KLHDC4: variants seen among roughly 807,000 people sequenced by gnomAD.
The protein encoded by KLHDC4 is kelch domain containing 4, also known as kelch domain-containing protein 4.
KLHDC4 carries 90 observed loss-of-function variants against 62.4 expected under a neutral mutation model. That is an observed-to-expected ratio of 1.44 (90% CI 1.22 to 1.72). The LOEUF is 1.72. Ranked by LOEUF, KLHDC4 falls within the 40% of genes most tolerant of loss-of-function variation. KLHDC4 has a pLI of 0.00. For synonymous variants in KLHDC4, 386 were observed against 284.4 expected, an observed-to-expected ratio of 1.36 and a Z score of -3.59; for missense variants, 1,025 against 699.7, an observed-to-expected ratio of 1.47 and a Z score of -5.25.
intron 7 of KLHDC4, among the ~76,000 whole-genome samples, chr16:87,720,475 A>T (rs1402639996): frequency 6.6e-6 from 1 of 152,190 alleles, no homozygotes; most frequent in Admixed American, 6.5e-5. Flanking sequence ...CAGCTCGGGC[A>T]AGCAGCGACC....
intron 5 of KLHDC4, among the ~76,000 whole-genome samples, chr16:87,744,202 G>A (rs1034458108): frequency 6.6e-6 from 1 of 152,104 alleles, no homozygotes; most frequent in African/African-American, 2.4e-5. Context: ...GATCACCTGA[G>A]GTCAGGAGTT....
At chr16:87,744,467 C>A (rs1418970162) in intron 5 of KLHDC4, among the ~76,000 whole-genome samples, 1 of 150,226 alleles carries the variant, frequency 6.7e-6, no homozygotes, top group African/African-American at 2.5e-5. Flanking sequence ...CCTGTAATCC[C>A]AGCTACTCGG....
downstream of KLHDC4, among the ~76,000 whole-genome samples, chr16:87,705,806 C>T (rs946699296): frequency 2.0e-5 from 3 of 151,454 alleles, no homozygotes; most frequent in East Asian, 2.0e-4. Context: ...GGGGCGGGGG[C>T]GGGGGCGCTG....
At chr16:87,709,058 A>AC (rs1160122911) in intron 10 of KLHDC4, among the ~76,000 whole-genome samples, 2 of 152,242 alleles carry the variant, frequency 1.3e-5, no homozygotes, top group Admixed American at 6.5e-5. Flanking sequence ...AGCACCCGGG[A>AC]CAAAGGACAG....
At chr16:87,752,089 C>CA (rs1173625123) in intron 4 of KLHDC4, among the ~76,000 whole-genome samples, 3,845 of 29,466 alleles carry the variant, frequency 0.13, 477 homozygotes, top group Middle Eastern at 0.21. Flanking sequence ...GACTTTGTCT[C>CA]AAAAAAAAAA....
intron 8 of KLHDC4, among the ~76,000 whole-genome samples, chr16:87,712,711 T>C (rs1254392034): frequency 6.6e-6 from 1 of 152,232 alleles, no homozygotes; most frequent in African/African-American, 2.4e-5. Flanking sequence ...GGACTCAGAT[T>C]AACCCTTCGG....
chr16:87,728,934 C>G (rs1302778124), intron 6 of KLHDC4, among the ~76,000 whole-genome samples: 2 of 152,156 alleles, frequency 1.3e-5, no homozygotes, highest in African/African-American at 2.4e-5. Context: ...ACCACCACAC[C>G]TGGCTAATTT....
intron 5 of KLHDC4, 140 bp downstream of exon 5, chr16:87,748,533 C>A (rs2043391911): frequency 1.5e-5 from 16 of 1,083,756 alleles, no homozygotes; most frequent in Non-Finnish European, 2.1e-5. Context: ...TCTCCCAGGA[C>A]CCAGCGAGGC....
At chr16:87,755,092 G>A (rs58999541) in intron 4 of KLHDC4, 102 bp downstream of exon 4, 65,835 of 746,892 alleles carry the variant, frequency 0.088, 3,434 homozygotes, top group African/African-American at 0.1. Context: ...ACAGGGCCCA[G>A]CCCCTCCGCA....
At chr16:87,704,295 C>A (rs1321015058), downstream of KLHDC4, among the ~76,000 whole-genome samples, 1 of 150,394 alleles carries the variant, frequency 6.6e-6, no homozygotes, top group African/African-American at 2.5e-5. Flanking sequence ...TGGGGAGGGT[C>A]CTGAACCACA....
Position 87,708,455 on chromosome 16 carries a change from A to G in KLHDC4, c.1459T>C (p.Trp487Arg). The G allele has an allele frequency of 6.2e-7, 1 of 1,601,066 alleles. No homozygotes were observed. Among genetic ancestry groups the G allele is most frequent in the Non-Finnish European group, 8.5e-7 (1 of 1,173,646 alleles). Residue 487 changes from tryptophan to arginine, a missense_variant, in exon 11 of 12, where the codon TGG becomes CGG. Physicochemically the swap from Trp to Arg is moderately radical, Grantham distance 101. Transcript: ENST00000270583. ...TCTTCCGAGTCCGTCTCCTCCAGCCACTCCTGAGTTTCTTCAAAAGCAGAA... is the reference window on the plus strand; with the variant it reads ...TCTTCCGAGTCCGTCTCCTCCAGCCGCTCCTGAGTTTCTTCAAAAGCAGAA... ...LVEMDPETQE[W>R]LEETDSEEDS...
At chr16:87,741,008 TC>T (rs2042152316) in intron 5 of KLHDC4, 3 of 152,072 alleles carry the variant, frequency 2.0e-5, no homozygotes, top group African/African-American at 7.2e-5. Flanking sequence ...GCACGGATGC[TC>T]CCGCACGTGA....
chr16:87,725,090 T>G (rs1240839323), intron 7 of KLHDC4, among the ~76,000 whole-genome samples: 2 of 83,186 alleles, frequency 2.4e-5, no homozygotes, highest in South Asian at 4.8e-4. Flanking sequence ...GCCCCACACA[T>G]CTGGGTGACT....
At chr16:87,752,144 C>T (rs1423774159) in intron 4 of KLHDC4, among the ~76,000 whole-genome samples, 1 of 143,982 alleles carries the variant, frequency 6.9e-6, no homozygotes, top group Non-Finnish European at 1.5e-5. Context: ...CAGTGGCTCA[C>T]GCCTGTAATC....
chr16:87,711,799 C>T (rs865943683), intron 8 of KLHDC4, among the ~76,000 whole-genome samples: 13 of 152,158 alleles, frequency 8.5e-5, no homozygotes, highest in South Asian at 4.1e-4. Context: ...AGGGACCCTC[C>T]GCCCGGCACG....
At chr16:87,755,345 G>A (rs905260404) in intron 3 of KLHDC4, 53 bp from the exon 4 acceptor site, 7 of 956,670 alleles carry the variant, frequency 7.3e-6, no homozygotes, top group Admixed American at 5.4e-5. Context: ...TTCCAAGGAA[G>A]TGGTGAGAAC....
intron 7 of KLHDC4, among the ~76,000 whole-genome samples, chr16:87,721,815 A>G (rs2038412108): frequency 1.3e-5 from 2 of 152,230 alleles, no homozygotes; most frequent in African/African-American, 4.8e-5. Context: ...CCTGACCTCC[A>G]GGCGCACAAT....
chr16:87,734,729 C>G (rs1325009429), intron 5 of KLHDC4, among the ~76,000 whole-genome samples: 1 of 152,184 alleles, frequency 6.6e-6, no homozygotes, highest in Admixed American at 6.5e-5. Flanking sequence ...AGCAGGATCT[C>G]AGCTCACTAA....
At chr16:87,765,053 C>T (rs941537631) in intron 1 of KLHDC4, 3 of 450,934 alleles carry the variant, frequency 6.7e-6, no homozygotes, top group African/African-American at 6.0e-5. Flanking sequence ...AATACCAGTG[C>T]TACGGAACTG....
Sources: allele counts gnomAD v4.1 joint callset (sites outside exome capture counted in the v4.1 genomes callset), GRCh38; gene constraint gnomAD v4.1.1; transcripts MANE v1.5; gene names NCBI Gene and HGNC (gene_info 2026-07-23, HGNC 2026-07-21).